The following TEKTL1 variants were observed in gnomAD, a reference collection of about 807,000 sequenced individuals.
TEKTL1 encodes the protein tektin-like protein 1.
chr19:15,020,802 C>G, the TEKTL1 span: 2 of 679,880 alleles, frequency 2.9e-6, no homozygotes, highest in Non-Finnish European at 4.9e-6. Context: ...TCATGCTGAG[C>G]ACACATTGTC....
the TEKTL1 span, chr19:15,023,219 CT>C: frequency 1.5e-5 from 16 of 1,076,704 alleles, no homozygotes; most frequent in Admixed American, 5.7e-5. Context: ...CTGACGCACC[CT>C]CCCTCCAAGC....
the TEKTL1 span, among the ~76,000 whole-genome samples, chr19:15,013,265 C>T: frequency 0.052 from 7,971 of 152,146 alleles, 341 homozygotes; most frequent in African/African-American, 0.12. Context: ...ACTCCAAAAA[C>T]GTAAACCCTC....
the TEKTL1 span, chr19:15,023,174 GAGAGCAGAC>G: frequency 2.0e-6 from 3 of 1,491,798 alleles, no homozygotes; most frequent in African/African-American, 1.4e-5. Flanking sequence ...TGGGACCTCG[GAGAGCAGAC>G]ACAGCCCCAT....
chr19:15,011,940 G>A, the TEKTL1 span, among the ~76,000 whole-genome samples: 1 of 151,990 alleles, frequency 6.6e-6, no homozygotes, highest in African/African-American at 2.4e-5. Flanking sequence ...GGTGACAGGT[G>A]AGAACCTGTC....
chr19:15,011,253 C>G, the TEKTL1 span: 1 of 1,509,286 alleles, frequency 6.6e-7, no homozygotes, highest in Non-Finnish European at 8.8e-7. Context: ...CTCGGCCGCG[C>G]GCAGCACCAG....
the TEKTL1 span, among the ~76,000 whole-genome samples, chr19:15,012,026 C>T: frequency 1.5e-4 from 22 of 151,456 alleles, no homozygotes; most frequent in Non-Finnish European, 2.5e-4. Context: ...GATGCCGATG[C>T]GGGAGGATTG....
chr19:15,015,018 C>T, the TEKTL1 span, among the ~76,000 whole-genome samples: 15 of 152,124 alleles, frequency 9.9e-5, no homozygotes, highest in Non-Finnish European at 2.2e-4. Context: ...AAGCCCTCAT[C>T]TATATTTTAA....
the TEKTL1 span, chr19:15,021,761 G>A: frequency 2.5e-6 from 4 of 1,612,262 alleles, no homozygotes; most frequent in Admixed American, 3.3e-5. Context: ...GGTGCCGGTG[G>A]CTGGAGGCTG....
At chr19:15,019,828 A>C in the TEKTL1 span, among the ~76,000 whole-genome samples, 8 of 152,008 alleles carry the variant, frequency 5.3e-5, no homozygotes, top group African/African-American at 1.9e-4. Context: ...TCTTTACAAA[A>C]AAATAAATAA....
the TEKTL1 span, among the ~76,000 whole-genome samples, chr19:15,018,714 AAATATG>A: frequency 0.015 from 1,539 of 99,464 alleles, 186 homozygotes; most frequent in Middle Eastern, 0.03. Flanking sequence ...CCCTATCTCA[AAATATG>A]TATATATATA....
At chr19:15,022,975 C>A in the TEKTL1 span, 422,401 of 1,612,558 alleles carry the variant, frequency 0.26, 59,298 homozygotes, top group East Asian at 0.48. Flanking sequence ...GCAAGAACAT[C>A]GGGCATGAGG....
the TEKTL1 span, among the ~76,000 whole-genome samples, chr19:15,016,661 G>A: frequency 6.6e-6 from 1 of 152,228 alleles, no homozygotes; most frequent in Non-Finnish European, 1.5e-5. Context: ...GACATAAAGT[G>A]TACACTCTGT....
chr19:15,013,030 CAG>C, the TEKTL1 span, among the ~76,000 whole-genome samples: 1 of 152,102 alleles, frequency 6.6e-6, no homozygotes, highest in Non-Finnish European at 1.5e-5. Flanking sequence ...GTCCTCCCTA[CAG>C]AGAGAGACTT....
the TEKTL1 span, among the ~76,000 whole-genome samples, chr19:15,019,586 A>C: frequency 6.6e-6 from 1 of 152,208 alleles, no homozygotes; most frequent in Non-Finnish European, 1.5e-5. Context: ...TGTGAGTCAA[A>C]GGAGGAAAAA....
the TEKTL1 span, among the ~76,000 whole-genome samples, chr19:15,013,458 T>A: frequency 6.6e-6 from 1 of 151,684 alleles, no homozygotes; most frequent in African/African-American, 2.4e-5. Context: ...AACCTCAAGC[T>A]CCAGAGAGCA....
the TEKTL1 span, among the ~76,000 whole-genome samples, chr19:15,014,097 C>T: frequency 6.6e-6 from 1 of 152,176 alleles, no homozygotes; most frequent in Admixed American, 6.5e-5. Context: ...AGAGACCTCA[C>T]CTAATAAGCA....
the TEKTL1 span, chr19:15,021,868 G>A: frequency 1.2e-6 from 2 of 1,614,052 alleles, no homozygotes. Flanking sequence ...TGGTTCGCAT[G>A]TACCAGAGAC....
chr19:15,021,740 G>A, the TEKTL1 span: 4 of 1,612,460 alleles, frequency 2.5e-6, no homozygotes, highest in African/African-American at 2.7e-5. Context: ...GCCTTCGGGG[G>A]TGGAGGCAGG....
At chr19:15,014,741 G>GGGGGGGT in the TEKTL1 span, among the ~76,000 whole-genome samples, 2 of 123,758 alleles carry the variant, frequency 1.6e-5, 1 homozygote, top group Non-Finnish European at 3.4e-5. Context: ...CGGGGGGCGG[G>GGGGGGGT]GGCTGCTGAA....
Sources: gnomAD v4.1 joint callset for allele counts (sites outside exome capture counted in the v4.1 genomes callset) on GRCh38, gnomAD v4.1.1 for gene constraint, MANE v1.5 for transcripts, NCBI Gene and HGNC (gene_info 2026-07-23, HGNC 2026-07-21) for gene names.